BCOR: variants seen among roughly 807,000 people sequenced by gnomAD.
BCOR encodes the protein BCL6 corepressor, also known as BCL-6 corepressor.
A neutral mutation model predicts 86.7 loss-of-function variants in BCOR; 10 were observed. The ratio of observed to expected loss-of-function variants is 0.12; its 90% confidence interval spans 0.07 to 0.20. The LOEUF (loss-of-function observed/expected upper bound fraction) is 0.20. Among genes scored for constraint, BCOR ranks in the 10% least tolerant of loss-of-function variants. The pLI is 1.00. For synonymous variants in BCOR, 611 were observed against 609.0 expected, an observed-to-expected ratio of 1.00 and a Z score of -0.05; for missense variants, 1,259 against 1,452.1, an observed-to-expected ratio of 0.87 and a Z score of 2.16.
intron 1 of BCOR, among the ~76,000 whole-genome samples, chrX:40,111,649 G>C (rs949244825): frequency 8.9e-6 from 1 of 112,210 alleles, no homozygotes; most frequent in African/African-American, 3.2e-5. Context: ...ATAAGGTACA[G>C]AGCAGTGTGT....
chrX:40,153,985 G>C, intron 1 of BCOR, among the ~76,000 whole-genome samples: 2 of 111,639 alleles, frequency 1.8e-5, no homozygotes, highest in Admixed American at 1.9e-4. Context: ...AGCTGCGACC[G>C]AGGGCGCAAG....
At chrX:40,138,851 G>A (rs1490767067) in intron 1 of BCOR, among the ~76,000 whole-genome samples, 2 of 111,041 alleles carry the variant, frequency 1.8e-5, no homozygotes, top group Admixed American at 1.9e-4. Context: ...CACCGTGTCT[G>A]GCCCAGGCAC....
At chrX:40,139,395 A>G (rs1602256795) in intron 1 of BCOR, among the ~76,000 whole-genome samples, 1 of 1,276 alleles carries the variant, frequency 7.8e-4, no homozygotes, top group Non-Finnish European at 1.2e-3. Context: ...ATATATATAC[A>G]TATATATATA....
intron 1 of BCOR, among the ~76,000 whole-genome samples, chrX:40,157,626 G>A (rs767125678): frequency 3.6e-5 from 4 of 112,277 alleles, no homozygotes; most frequent in African/African-American, 1.3e-4. Flanking sequence ...TTTACAAAGG[G>A]TAATGGGGAA....
At chrX:40,171,034 G>A (rs1172989939) in intron 1 of BCOR, among the ~76,000 whole-genome samples, 4 of 111,906 alleles carry the variant, frequency 3.6e-5, no homozygotes, top group Non-Finnish European at 5.6e-5. Context: ...TTTTACACAT[G>A]AAGAGACTGG....
At chrX:40,146,998 G>A (rs1938072448) in intron 1 of BCOR, among the ~76,000 whole-genome samples, 1 of 111,676 alleles carries the variant, frequency 9.0e-6, no homozygotes, top group Non-Finnish European at 1.9e-5. Flanking sequence ...AGGAGGGGGC[G>A]GGCTCGGAAC....
At chrX:40,089,071 G>A (rs1405506514) in intron 1 of BCOR, among the ~76,000 whole-genome samples, 5 of 111,785 alleles carry the variant, frequency 4.5e-5, no homozygotes, top group Non-Finnish European at 9.4e-5. Context: ...GATTTAATCT[G>A]CATCCTTGGG....
chrX:40,075,933 C>T lies in BCOR; in HGVS notation c.165+521G>A, dbSNP rs924919667. 4.5e-5 allele frequency among the ~76,000 whole-genome samples: 5 copies of T among 111,286 alleles called. No individual in the cohort carries two copies. In the Admixed American group the frequency reaches 4.7e-4, roughly 11 times the overall value. On this transcript the variant is annotated intron_variant, in intron 3 of 14. Transcript: ENST00000378444. Reference sequence around the variant, plus strand: ...CCTGTCAGGCTTGGGGGTGGGTGTTCGCTTCATTTCCCCTGGGTGCAGGAA... The same window carrying T: ...CCTGTCAGGCTTGGGGGTGGGTGTTTGCTTCATTTCCCCTGGGTGCAGGAA...
At chrX:40,151,258 C>CA (rs1938160094) in intron 1 of BCOR, among the ~76,000 whole-genome samples, 1 of 112,670 alleles carries the variant, frequency 8.9e-6, no homozygotes, top group Admixed American at 9.3e-5. Context: ...CACCAAGTCC[C>CA]AAATGCCCAA....
intron 1 of BCOR, among the ~76,000 whole-genome samples, chrX:40,157,226 G>A (rs780567005): frequency 2.0e-4 from 23 of 112,375 alleles, no homozygotes; most frequent in African/African-American, 7.1e-4. Context: ...CTGCGTCCTT[G>A]GCCCTAATCA....
At position 40,074,053 on chromosome X, in the gene BCOR, G is replaced by A. The variant is rs759584655; in HGVS notation, c.1293C>T (p.Thr431=). The change falls in exon 4 of 15, where the codon ACC becomes ACT. Residue 431 remains threonine (T), a synonymous_variant. Coordinates refer to ENST00000378444, the MANE Select transcript of BCOR (RefSeq NM_001123385.2). ...GSSPPLLEKQ[T]VTKDVTDKPL... is the part of the protein sequence containing the mutation. ...GCTTATCTGTGACGTCTTTGGTAACGGTCTGCTTCTCCAACAGAGGAGGTG... is the reference window on the plus strand; with the variant it reads ...GCTTATCTGTGACGTCTTTGGTAACAGTCTGCTTCTCCAACAGAGGAGGTG... The A allele has an allele frequency of 3.3e-6, 4 of 1,211,896 alleles. No homozygotes were observed. The highest frequency in any genetic ancestry group is 2.2e-5 in the Admixed American group (1 of 46,129).
chrX:40,061,553 AG>A (rs1409082196), intron 10 of BCOR, among the ~76,000 whole-genome samples: 5 of 110,833 alleles, frequency 4.5e-5, no homozygotes, highest in Non-Finnish European at 9.5e-5. Context: ...GAGGATGAGC[AG>A]GGGGGCTGGG....
At chrX:40,098,902 T>G (rs1248425127), upstream of BCOR, among the ~76,000 whole-genome samples, 4 of 111,002 alleles carry the variant, frequency 3.6e-5, no homozygotes, top group Non-Finnish European at 7.6e-5. Context: ...GGGAGGCGTG[T>G]GGGGGGCGGT....
intron 8 of BCOR, 44 bp downstream of exon 8, chrX:40,063,564 C>T (rs768907897): frequency 9.2e-7 from 1 of 1,091,978 alleles, no homozygotes; most frequent in East Asian, 3.0e-5. Flanking sequence ...GATGACCCAC[C>T]CTCCAGGAGC....
At chrX:40,088,477 G>A (rs1017799215) in intron 1 of BCOR, among the ~76,000 whole-genome samples, 7 of 111,330 alleles carry the variant, frequency 6.3e-5, no homozygotes, top group African/African-American at 2.3e-4. Context: ...GGGAGGAGGA[G>A]GGGGAGAGGA....
At chrX:40,094,252 C>A (rs571478941) in intron 1 of BCOR, among the ~76,000 whole-genome samples, 85 of 112,548 alleles carry the variant, frequency 7.6e-4, no homozygotes, top group African/African-American at 2.2e-3. Flanking sequence ...GCCTCCCCCC[C>A]CTCCAGTCCT....
chrX:40,098,477 G>C (rs1936998144), upstream of BCOR, among the ~76,000 whole-genome samples: 1 of 111,625 alleles, frequency 9.0e-6, no homozygotes, highest in African/African-American at 3.3e-5. Context: ...GGATGGGGGC[G>C]GCGGGGGCGG....
At chrX:40,129,683 G>A (rs1937583033) in intron 1 of BCOR, among the ~76,000 whole-genome samples, 1 of 107,453 alleles carries the variant, frequency 9.3e-6, no homozygotes, top group Non-Finnish European at 1.9e-5. Context: ...GGGGGTTGGG[G>A]TATGGGCGAA....
At chrX:40,099,299 C>G (rs1453262310), upstream of BCOR, among the ~76,000 whole-genome samples, 3 of 111,729 alleles carry the variant, frequency 2.7e-5, no homozygotes, top group Non-Finnish European at 5.7e-5. Context: ...AAGGGCGAGC[C>G]GAGAAGCCCT....
Sources: gnomAD v4.1 joint callset for allele counts (sites outside exome capture counted in the v4.1 genomes callset) on GRCh38, gnomAD v4.1.1 for gene constraint, MANE v1.5 for transcripts, NCBI Gene and HGNC (gene_info 2026-07-23, HGNC 2026-07-21) for gene names.